Variants in KAZN observed in about 807,000 individuals in gnomAD.
KAZN encodes kazrin.
In KAZN, 40 loss-of-function variants were observed where a neutral mutation model predicts 87.4. The ratio of observed to expected loss-of-function variants is 0.46; its 90% CI spans 0.36 to 0.60. The LOEUF is 0.60. KAZN is among the 20% of genes least tolerant of loss of function. KAZN has a pLI of 0.00. For synonymous variants in KAZN, 466 were observed against 458.3 expected (o/e 1.02, Z -0.22); for missense variants, 898 against 1,073.9 (o/e 0.84, Z 2.29).
At chr1:14,646,409 C>T in intron 1 of KAZN, among the ~76,000 whole-genome samples, 1 of 152,064 alleles carries the variant, frequency 6.6e-6, no homozygotes, top group East Asian at 1.9e-4. Flanking sequence ...AAGACTGTCT[C>T]AAAAACAGAA....
intron 2 of KAZN, among the ~76,000 whole-genome samples, chr1:14,588,668 G>GAAGT (rs1461648362): frequency 6.6e-6 from 1 of 152,230 alleles, no homozygotes; most frequent in Non-Finnish European, 1.5e-5. Flanking sequence ...GAGAGACATT[G>GAAGT]AAGTGCACAC....
At chr1:14,442,824 T>A (rs72645929) in intron 2 of KAZN, among the ~76,000 whole-genome samples, 1 of 152,210 alleles carries the variant, frequency 6.6e-6, no homozygotes, top group Non-Finnish European at 1.5e-5. Context: ...AAAGCAAAAG[T>A]GGTCTTGTTC....
chr1:14,037,992 A>T (rs777403727), intron 1 of KAZN, among the ~76,000 whole-genome samples: 23 of 152,140 alleles, frequency 1.5e-4, no homozygotes, highest in Non-Finnish European at 8.8e-5. Flanking sequence ...TAAGGAAGGG[A>T]TTAAATTCAC....
chr1:14,323,800 A>C (rs1656215044), intron 2 of KAZN, among the ~76,000 whole-genome samples: 1 of 152,150 alleles, frequency 6.6e-6, no homozygotes. Context: ...AGAGGTTTTT[A>C]GCAAAGGAGA....
At chr1:14,715,289 C>T (rs1642730525) in intron 1 of KAZN, among the ~76,000 whole-genome samples, 2 of 152,300 alleles carry the variant, frequency 1.3e-5, no homozygotes, top group Middle Eastern at 3.4e-3. Context: ...GCAGGTTGCT[C>T]TTGAACTTCA....
chr1:14,148,089 C>G (rs569300123), intron 1 of KAZN, among the ~76,000 whole-genome samples: 1 of 151,736 alleles, frequency 6.6e-6, no homozygotes, highest in East Asian at 1.9e-4. Flanking sequence ...GGTGTGGTGG[C>G]GGGCACCTGT....
At chr1:14,510,393 A>G (rs1670842759) in intron 2 of KAZN, among the ~76,000 whole-genome samples, 1 of 150,620 alleles carries the variant, frequency 6.6e-6, no homozygotes, top group Non-Finnish European at 1.5e-5. Flanking sequence ...AAAAAAAACA[A>G]ACAGGATGTT....
At position 15,096,123 on chromosome 1, in the gene KAZN, T is replaced by A. The variant is rs1479171875; in HGVS notation, c.1547+1190T>A. On this transcript the variant is annotated intron_variant, in intron 10 of 14. Transcript: ENST00000376030. This position sits in a 1 kb window ranked among gnomAD's most constrained non-coding sequence, Gnocchi z 4.5. ...TCCATCCAGGAATCCCCTAAAGCCA[T>A]CCCTGAATCCCCTCACCATCTTTGG... 6.6e-6 allele frequency among the ~76,000 whole-genome samples: 1 copy of A among 152,100 alleles called. No individual in the cohort carries two copies. Among genetic ancestry groups the A allele is most frequent in the African/African-American group, 2.4e-5 (1 of 41,416 alleles).
intron 2 of KAZN, among the ~76,000 whole-genome samples, chr1:14,346,545 G>A (rs975054414): frequency 6.6e-6 from 1 of 152,082 alleles, no homozygotes; most frequent in Non-Finnish European, 1.5e-5. Flanking sequence ...TCAGTGGTTT[G>A]GGTAGGCTTC....
intron 1 of KAZN, among the ~76,000 whole-genome samples, chr1:14,915,806 G>A (rs917569620): frequency 6.6e-6 from 1 of 152,192 alleles, no homozygotes; most frequent in African/African-American, 2.4e-5. Context: ...TGGGGATAGG[G>A]TGGCTTGGCG....
chr1:14,092,787 G>A (rs578069657), intron 1 of KAZN, among the ~76,000 whole-genome samples: 6 of 152,056 alleles, frequency 3.9e-5, no homozygotes, highest in African/African-American at 1.4e-4. Context: ...GTTGTCCAAC[G>A]CTACAATTTT....
At chr1:14,514,373 ATAAT>A (rs1175079293) in intron 2 of KAZN, among the ~76,000 whole-genome samples, 1 of 20,500 alleles carries the variant, frequency 4.9e-5, no homozygotes, top group East Asian at 6.6e-4. Context: ...ATTTATATAT[ATAAT>A]ATATATATAT....
chr1:14,034,203 T>G (rs1641447236), intron 1 of KAZN, among the ~76,000 whole-genome samples: 1 of 152,122 alleles, frequency 6.6e-6, no homozygotes, highest in Non-Finnish European at 1.5e-5. Context: ...TAGACCTGGA[T>G]CCATACCACA....
At chr1:13,993,551 T>C (rs1639377429) in intron 1 of KAZN, among the ~76,000 whole-genome samples, 2 of 152,240 alleles carry the variant, frequency 1.3e-5, no homozygotes, top group African/African-American at 4.8e-5. Context: ...TAGTCATTTG[T>C]TGAACTGATA....
At chr1:13,941,281 T>C (rs1287435342) in intron 1 of KAZN, among the ~76,000 whole-genome samples, 1 of 151,812 alleles carries the variant, frequency 6.6e-6, no homozygotes, top group Non-Finnish European at 1.5e-5. Context: ...GAAATATTGG[T>C]CTCTTTCATA....
chr1:14,369,289 C>T (rs1051230240), intron 2 of KAZN, among the ~76,000 whole-genome samples: 2 of 152,190 alleles, frequency 1.3e-5, no homozygotes, highest in Admixed American at 6.5e-5. Context: ...ATCGTTCGCT[C>T]TTCAGTTTCC....
At chr1:14,106,690 G>A (rs980579618) in intron 1 of KAZN, among the ~76,000 whole-genome samples, 6 of 152,126 alleles carry the variant, frequency 3.9e-5, no homozygotes, top group Admixed American at 1.3e-4. Context: ...TTCTTGGAGA[G>A]GTATTTTCTT....
chr1:14,119,725 A>C (rs77826294), intron 1 of KAZN, among the ~76,000 whole-genome samples: 19,140 of 152,198 alleles, frequency 0.13, 1,282 homozygotes, highest in Middle Eastern at 0.18. Context: ...ACTCAAGGAA[A>C]ACATTCCTCT....
At chr1:14,901,590 T>G (rs964916117) in intron 1 of KAZN, among the ~76,000 whole-genome samples, 2 of 151,960 alleles carry the variant, frequency 1.3e-5, no homozygotes, top group Non-Finnish European at 2.9e-5. Flanking sequence ...AGGGGAGAGA[T>G]AATGGCAGCT....
Sources: allele counts gnomAD v4.1 joint callset (sites outside exome capture counted in the v4.1 genomes callset), GRCh38; gene constraint gnomAD v4.1.1; non-coding constraint Gnocchi (gnomAD v3.1); transcripts MANE v1.5; gene names NCBI Gene and HGNC (gene_info 2026-07-23, HGNC 2026-07-21).